IL12RB2: variants seen among roughly 807,000 people sequenced by gnomAD.
IL12RB2 encodes the protein interleukin-12 receptor subunit beta-2.
In IL12RB2, 82 loss-of-function variants were observed where a neutral mutation model predicts 89.4. That is an observed-to-expected ratio of 0.92 (90% CI 0.77 to 1.10). IL12RB2 has a LOEUF of 1.10. Among genes scored for constraint, IL12RB2 ranks in the 50% least tolerant of loss-of-function variants. IL12RB2 has a pLI of 0.00. For synonymous variants in IL12RB2, 368 were observed against 370.1 expected (o/e 0.99, Z 0.07); for missense variants, 963 against 1,031.9 (o/e 0.93, Z 0.92).
chr1:67,319,831 C>T (rs554387863), intron 2 of IL12RB2, among the ~76,000 whole-genome samples: 13 of 152,158 alleles, frequency 8.5e-5, no homozygotes, highest in African/African-American at 2.2e-4. Context: ...GTGATTGGGT[C>T]ATGAAGGTAG....
Position 67,338,648 on chromosome 1 carries a change from G to T in IL12RB2, c.983G>T (p.Trp328Leu). The T allele has an allele frequency of 6.5e-7, 1 of 1,541,340 alleles. No homozygotes were observed. The highest frequency in any genetic ancestry group is 9.0e-7 in the Non-Finnish European group (1 of 1,113,528). Residue 328 changes from tryptophan (W) to leucine (L), a missense_variant, in exon 9 of 17, where the codon TGG becomes TTG. Transcript: ENST00000674203. ...EEEPTGMLDV[W>L]YMKRHIDYSR... ...GAGCCTACTGGGATGTTAGATGTCT[G>T]GTACATGAAACGGCACATTGACTAC...
chr1:67,332,783 A>G (rs904797457), intron 8 of IL12RB2, among the ~76,000 whole-genome samples: 1 of 152,230 alleles, frequency 6.6e-6, no homozygotes, highest in African/African-American at 2.4e-5. Context: ...AAAAATATTT[A>G]AGTTATATCA....
At chr1:67,366,452 C>CAAAAAA (rs11329710) in intron 10 of IL12RB2, among the ~76,000 whole-genome samples, 39 of 53,252 alleles carry the variant, frequency 7.3e-4, no homozygotes, top group African/African-American at 9.5e-4. Context: ...GACTCCATCT[C>CAAAAAA]AAAAAAAAAA....
At chr1:67,346,085 A>G (rs748270479) in intron 9 of IL12RB2, among the ~76,000 whole-genome samples, 1 of 152,148 alleles carries the variant, frequency 6.6e-6, no homozygotes, top group Non-Finnish European at 1.5e-5. Flanking sequence ...ATGGTCCAGC[A>G]GTTAAGAGTT....
rs2307154 is a variant in IL12RB2, at chr1:67,386,597, C to T, written c.1874C>T (p.Ala625Val). 7.5e-4 allele frequency: 1,204 copies of T among 1,612,582 alleles called. 16 individuals carry two copies. In the African/African-American group the frequency reaches 0.014, roughly 19 times the overall value. ...TTTTCAGGTAAAGCCAATTGGATGG[C>T]GTTTGTGGCACCAAGCATTTGCATT... ...FCLQGKANWM[A>V]FVAPSICIAI... Residue 625 changes from alanine (A) to valine (V), a missense_variant, in exon 15 of 17, where the codon GCG becomes GTG. Transcript: ENST00000674203.
chr1:67,382,111 G>A lies in IL12RB2; in HGVS notation c.1855+1988G>A, dbSNP rs558168459. On this transcript the variant is annotated intron_variant, in intron 14 of 16. Coordinates refer to ENST00000674203, the MANE Select transcript of IL12RB2 (RefSeq NM_001374259.2). ...GAAACGTGAGATTTGGCCAAGTGCC[G>A]TGGCTCCCACCTATAATCTCAGCAC... 1.4e-4 allele frequency among the ~76,000 whole-genome samples: 22 copies of A among 152,358 alleles called. No individual in the cohort carries two copies. In the East Asian group the frequency reaches 3.9e-3, roughly 27 times the overall value.
intron 2 of IL12RB2, among the ~76,000 whole-genome samples, chr1:67,316,823 T>C (rs1655838355): frequency 6.6e-6 from 1 of 152,180 alleles, no homozygotes; most frequent in South Asian, 2.1e-4. Context: ...TGTTGACAAG[T>C]TTCTATCCTC....
At chr1:67,348,214 A>G (rs1376679542) in intron 9 of IL12RB2, among the ~76,000 whole-genome samples, 3 of 152,100 alleles carry the variant, frequency 2.0e-5, no homozygotes, top group Non-Finnish European at 4.4e-5. Context: ...ACCCTCCCCA[A>G]ACTGATGAAC....
intron 9 of IL12RB2, among the ~76,000 whole-genome samples, chr1:67,349,607 C>T (rs1660607195): frequency 6.6e-6 from 1 of 152,202 alleles, no homozygotes; most frequent in Non-Finnish European, 1.5e-5. Context: ...CCCACAGCAA[C>T]ATGACATCCA....
At chr1:67,353,533 C>T (rs1227755177) in intron 10 of IL12RB2, among the ~76,000 whole-genome samples, 2 of 152,190 alleles carry the variant, frequency 1.3e-5, no homozygotes, top group African/African-American at 4.8e-5. Flanking sequence ...CGCACCACTG[C>T]ACTCCAGACT....
At chr1:67,356,017 T>C (rs1285096713) in intron 10 of IL12RB2, among the ~76,000 whole-genome samples, 1 of 152,174 alleles carries the variant, frequency 6.6e-6, no homozygotes, top group Non-Finnish European at 1.5e-5. Context: ...TCGCAAACCA[T>C]AGTGTTCAAT....
At chr1:67,308,749 G>A (rs1368854230) in intron 1 of IL12RB2, among the ~76,000 whole-genome samples, 1 of 152,186 alleles carries the variant, frequency 6.6e-6, no homozygotes, top group Non-Finnish European at 1.5e-5. Context: ...TCCCGGCACG[G>A]TGGCTCACGC....
At chr1:67,349,649 T>A (rs1271050683) in intron 9 of IL12RB2, among the ~76,000 whole-genome samples, 2 of 152,106 alleles carry the variant, frequency 1.3e-5, no homozygotes, top group African/African-American at 4.8e-5. Context: ...TAAGATCTAG[T>A]TTTGGGCCTT....
intron 16 of IL12RB2, among the ~76,000 whole-genome samples, chr1:67,390,455 C>CTTTTTTTTT (rs67532605): frequency 9.3e-6 from 1 of 107,520 alleles, no homozygotes; most frequent in Non-Finnish European, 1.8e-5. Flanking sequence ...GCAAACTTTC[C>CTTTTTTTTT]TTTTTTTTTT....
intron 1 of IL12RB2, among the ~76,000 whole-genome samples, chr1:67,310,089 C>G (rs1654824632): frequency 6.9e-6 from 1 of 144,414 alleles, no homozygotes; most frequent in African/African-American, 2.6e-5. Context: ...GAGGTTGAGA[C>G]AGGAGAATCG....
chr1:67,310,082 G>C (rs1443693635), intron 1 of IL12RB2, among the ~76,000 whole-genome samples: 1 of 150,422 alleles, frequency 6.6e-6, no homozygotes, highest in Non-Finnish European at 1.5e-5. Flanking sequence ...TACTCGGGAG[G>C]TTGAGACAGG....
intron 4 of IL12RB2, among the ~76,000 whole-genome samples, chr1:67,324,763 A>G (rs556637038): frequency 6.6e-6 from 1 of 152,280 alleles, no homozygotes; most frequent in Admixed American, 6.5e-5. Flanking sequence ...AGAAGTGATC[A>G]AGTCCTTATC....
chr1:67,376,703 CGT>C (rs59880609), intron 13 of IL12RB2, among the ~76,000 whole-genome samples: 1 of 150,786 alleles, frequency 6.6e-6, no homozygotes, highest in Admixed American at 6.6e-5. Context: ...AATATGTGTG[CGT>C]GTGTGTGTGT....
chr1:67,362,721 A>G (rs1438288958), intron 10 of IL12RB2, among the ~76,000 whole-genome samples: 1 of 152,146 alleles, frequency 6.6e-6, no homozygotes, highest in Non-Finnish European at 1.5e-5. Context: ...AAAGTGAAGG[A>G]GAAATAAGGA....
Sources: gnomAD v4.1 joint callset for allele counts (sites outside exome capture counted in the v4.1 genomes callset) on GRCh38, gnomAD v4.1.1 for gene constraint, MANE v1.5 for transcripts, NCBI Gene and HGNC (gene_info 2026-07-23, HGNC 2026-07-21) for gene names.